The following PALLD variants were observed in gnomAD, a reference collection of about 807,000 sequenced individuals.
The protein encoded by PALLD is palladin, cytoskeletal associated protein.
In PALLD, 61 loss-of-function variants were observed where a neutral mutation model predicts 123.5. The ratio of observed to expected loss-of-function variants is 0.49; its 90% CI spans 0.40 to 0.61. The LOEUF (loss-of-function observed/expected upper bound fraction) is 0.61. Ranked by LOEUF, PALLD falls within the 20% of genes least tolerant of loss-of-function variation. The probability of loss-of-function intolerance (pLI) is 0.00; values close to 1 mark genes in which losing one functional copy is unlikely to be tolerated. For synonymous variants in PALLD, 465 were observed against 496.4 expected, an observed-to-expected ratio of 0.94 and a Z score of 0.84; for missense variants, 1,273 against 1,377.0, an observed-to-expected ratio of 0.92 and a Z score of 1.20.
chr4:168,878,465 C>CA, intron 10 of PALLD: 1 of 1,179,474 alleles, frequency 8.5e-7, no homozygotes, highest in African/African-American at 1.6e-5. Context: ...CCCACATCTC[C>CA]ATACACGCGC....
chr4:168,563,144 G>A (rs1014185907), intron 2 of PALLD, among the ~76,000 whole-genome samples: 3 of 152,148 alleles, frequency 2.0e-5, no homozygotes, highest in Non-Finnish European at 4.4e-5. Context: ...CAACTGGTGG[G>A]TGGGCAGGTT....
intron 8 of PALLD, among the ~76,000 whole-genome samples, chr4:168,691,997 CTA>C (rs546065414): frequency 2.5e-4 from 38 of 152,256 alleles, no homozygotes; most frequent in African/African-American, 8.4e-4. Context: ...CTCCTCAAGA[CTA>C]TTTTCTTTTG....
intron 2 of PALLD, among the ~76,000 whole-genome samples, chr4:168,533,678 T>G (rs1005279046): frequency 6.6e-6 from 1 of 151,986 alleles, no homozygotes; most frequent in Non-Finnish European, 1.5e-5. Context: ...TTGGGAGAGA[T>G]GTTGACTGGA....
At chr4:168,504,761 G>T (rs1476265821) in intron 1 of PALLD, 2 of 152,110 alleles carry the variant, frequency 1.3e-5, no homozygotes, top group Non-Finnish European at 2.9e-5. Context: ...AGGAGGCAGG[G>T]GACAGGACAA....
intron 10 of PALLD, among the ~76,000 whole-genome samples, chr4:168,728,782 G>A (rs776710287): frequency 7.2e-5 from 11 of 151,930 alleles, no homozygotes; most frequent in Non-Finnish European, 1.3e-4. Flanking sequence ...GTGGTAATTC[G>A]TGAGATCTTG....
chr4:168,795,144 C>A (rs1310005897), intron 10 of PALLD, among the ~76,000 whole-genome samples: 1 of 152,168 alleles, frequency 6.6e-6, no homozygotes, highest in Non-Finnish European at 1.5e-5. Context: ...CTCCTAAAAC[C>A]ATCACGCCAG....
At chr4:168,645,747 A>G (rs1008940308) in intron 2 of PALLD, among the ~76,000 whole-genome samples, 12 of 152,158 alleles carry the variant, frequency 7.9e-5, no homozygotes, top group Admixed American at 1.3e-4. Context: ...TTGTAAGCTT[A>G]TTAAAGGAGC....
At chr4:168,904,952 C>A (rs1031416076) in intron 15 of PALLD, among the ~76,000 whole-genome samples, 1 of 151,804 alleles carries the variant, frequency 6.6e-6, no homozygotes, top group African/African-American at 2.4e-5. Context: ...CATGGCGAAA[C>A]CCTGTCTCTA....
chr4:168,520,683 G>A (rs894908460), intron 2 of PALLD, among the ~76,000 whole-genome samples: 9 of 152,146 alleles, frequency 5.9e-5, no homozygotes, highest in African/African-American at 1.9e-4. Flanking sequence ...CCTGTTGCAT[G>A]GAATTCTTGT....
At chr4:168,722,368 G>T (rs568282453) in intron 10 of PALLD, among the ~76,000 whole-genome samples, 2 of 152,166 alleles carry the variant, frequency 1.3e-5, no homozygotes, top group Non-Finnish European at 2.9e-5. Flanking sequence ...ATACTTTAAA[G>T]ACCAACATTT....
intron 10 of PALLD, among the ~76,000 whole-genome samples, chr4:168,841,524 C>A (rs1286080269): frequency 6.6e-6 from 1 of 152,212 alleles, no homozygotes; most frequent in African/African-American, 2.4e-5. Flanking sequence ...ACTTGGCCAG[C>A]TGCCCTGGGC....
At chr4:168,627,148 G>A (rs1775377905) in intron 2 of PALLD, among the ~76,000 whole-genome samples, 1 of 152,124 alleles carries the variant, frequency 6.6e-6, no homozygotes, top group Admixed American at 6.5e-5. Context: ...TGGTAGTGGG[G>A]CAACTGGATC....
intron 14 of PALLD, among the ~76,000 whole-genome samples, chr4:168,899,623 A>G (rs1756016961): frequency 6.6e-6 from 1 of 152,148 alleles, no homozygotes; most frequent in African/African-American, 2.4e-5. Context: ...TATAAAGAAA[A>G]TAGGTTTTAT....
At chr4:168,878,684 G>GGGT (rs1377805460) in intron 10 of PALLD, among the ~76,000 whole-genome samples, 2 of 134,372 alleles carry the variant, frequency 1.5e-5, no homozygotes, top group East Asian at 4.1e-4. Flanking sequence ...AATCATTATG[G>GGGT]GGGGGGGGGT....
At chr4:168,911,709 A>T (rs555335513) in intron 15 of PALLD, among the ~76,000 whole-genome samples, 2 of 152,306 alleles carry the variant, frequency 1.3e-5, no homozygotes, top group Admixed American at 1.3e-4. Flanking sequence ...AATGTTTGCC[A>T]AGAGTTTAGC....
At chr4:168,903,246 C>T (rs533654301) in intron 14 of PALLD, among the ~76,000 whole-genome samples, 2 of 152,160 alleles carry the variant, frequency 1.3e-5, no homozygotes, top group Non-Finnish European at 2.9e-5. Flanking sequence ...CATCACCTCC[C>T]TCCCTACCAA....
At chr4:168,607,563 C>G (rs1447701673) in intron 2 of PALLD, among the ~76,000 whole-genome samples, 1 of 152,168 alleles carries the variant, frequency 6.6e-6, no homozygotes, top group African/African-American at 2.4e-5. Context: ...GAGCCAGACA[C>G]TGTTCTGAGT....
At chr4:168,542,764 G>GAGA (rs1765765233) in intron 2 of PALLD, among the ~76,000 whole-genome samples, 2 of 80,034 alleles carry the variant, frequency 2.5e-5, no homozygotes, top group Non-Finnish European at 5.0e-5. Flanking sequence ...ATATATATAT[G>GAGA]GAGAGAAAGA....
At chr4:168,882,506 T>C (rs1212098087) in intron 10 of PALLD, among the ~76,000 whole-genome samples, 1 of 152,200 alleles carries the variant, frequency 6.6e-6, no homozygotes, top group East Asian at 1.9e-4. Flanking sequence ...AAGACTGTGG[T>C]TAGATAGTAA....
Sources: gnomAD v4.1 joint callset for allele counts (sites outside exome capture counted in the v4.1 genomes callset) on GRCh38, gnomAD v4.1.1 for gene constraint, MANE v1.5 for transcripts, NCBI Gene and HGNC (gene_info 2026-07-23, HGNC 2026-07-21) for gene names.